Variants in SH3PXD2A observed in about 807,000 individuals in gnomAD.
SH3PXD2A encodes the protein SH3 and PX domains 2A.
In SH3PXD2A, 32 loss-of-function variants were observed where a neutral mutation model predicts 115.2. The observed-to-expected ratio is 0.28, with a 90% CI of 0.21 to 0.37. SH3PXD2A has a LOEUF of 0.37. Among genes scored for constraint, SH3PXD2A ranks in the 10% least tolerant of loss-of-function variants. The pLI is 1.00. For missense variants in SH3PXD2A, 1,328 were observed against 1,498.7 expected (o/e 0.89, Z 1.88); for synonymous variants, 610 against 629.1 (o/e 0.97, Z 0.45).
At chr10:103,842,293 A>T (rs2039609034) in intron 1 of SH3PXD2A, among the ~76,000 whole-genome samples, 1 of 152,092 alleles carries the variant, frequency 6.6e-6, no homozygotes, top group Admixed American at 6.5e-5. Context: ...ATAGTTATAC[A>T]AATTTTGGGG....
chr10:103,696,855 G>A (rs1010354855), intron 5 of SH3PXD2A, among the ~76,000 whole-genome samples: 2 of 152,208 alleles, frequency 1.3e-5, no homozygotes, highest in African/African-American at 2.4e-5. Flanking sequence ...CAGGAAAACA[G>A]GGACATGGGA....
At chr10:103,693,864 T>G (rs1197450302) in intron 5 of SH3PXD2A, among the ~76,000 whole-genome samples, 1 of 152,118 alleles carries the variant, frequency 6.6e-6, no homozygotes, top group East Asian at 1.9e-4. Flanking sequence ...GGAAGTGGGT[T>G]CAAATGCTGT....
chr10:103,801,031 C>T (rs1372743581), intron 2 of SH3PXD2A, among the ~76,000 whole-genome samples: 3 of 152,158 alleles, frequency 2.0e-5, no homozygotes, highest in African/African-American at 7.2e-5. Flanking sequence ...ACCCTGCAGG[C>T]AAGGGAGGGT....
chr10:103,702,596 C>CGTGTGCGTGTGTGTGTGT (rs1554913265), intron 5 of SH3PXD2A, among the ~76,000 whole-genome samples: 5 of 147,448 alleles, frequency 3.4e-5, no homozygotes, highest in African/African-American at 1.0e-4. Flanking sequence ...TGTGTGTGTG[C>CGTGTGCGTGTGTGTGTGT]GTGTGTGTGT....
intron 3 of SH3PXD2A, among the ~76,000 whole-genome samples, chr10:103,766,574 A>G (rs1391622363): frequency 1.3e-5 from 2 of 152,232 alleles, no homozygotes; most frequent in African/African-American, 2.4e-5. Context: ...CATCATCAAA[A>G]TAACAGGTTA....
At chr10:103,821,694 T>C (rs986864360) in intron 1 of SH3PXD2A, among the ~76,000 whole-genome samples, 2 of 151,848 alleles carry the variant, frequency 1.3e-5, no homozygotes, top group South Asian at 4.2e-4. Flanking sequence ...CCACCACCAG[T>C]AGCTGGGACT....
At chr10:103,638,979 G>A (rs756888770) in intron 8 of SH3PXD2A, among the ~76,000 whole-genome samples, 3 of 152,212 alleles carry the variant, frequency 2.0e-5, no homozygotes, top group African/African-American at 4.8e-5. Context: ...TGCCTGGCAC[G>A]GGTGGGGGTC....
Position 103,815,000 on chromosome 10 carries a change from C to T in SH3PXD2A, c.73-13638G>A, listed in dbSNP as rs963010512. 2.4e-4 allele frequency among the ~76,000 whole-genome samples: 36 copies of T among 148,138 alleles called. No homozygotes were observed. The East Asian group carries it at 7.2e-3, about 30-fold the overall frequency. ...GCAGGCCAACTGGGGAGGTGGGGGG[C>T]TCTTCAGTTTGACTCAGTACAAAAT... On this transcript the variant is annotated intron_variant, in intron 1 of 14. Coordinates refer to ENST00000369774, the MANE Select transcript of SH3PXD2A (RefSeq NM_001394015.1).
rs2038647443 is a variant in SH3PXD2A, at chr10:103,756,879, T to G, written c.229+10215A>C. On this transcript the variant is annotated intron_variant, in intron 3 of 14. Transcript: ENST00000369774. This position sits in a 1 kb window ranked among gnomAD's most constrained non-coding sequence, Gnocchi z 4.4. ...CCTGCCTCTCCAGGACCCCAGCTGG[T>G]CTCCTCTGCTCCGTGCAAGCTCCCG... Among the ~76,000 whole-genome samples, 1 of 152,118 alleles carries G rather than the reference T, an allele frequency of 6.6e-6. No individual in the cohort carries two copies. Among genetic ancestry groups the G allele is most frequent in the Admixed American group, 6.5e-5 (1 of 15,280 alleles).
At chr10:103,776,765 T>A (rs1382095417) in intron 2 of SH3PXD2A, among the ~76,000 whole-genome samples, 2 of 152,134 alleles carry the variant, frequency 1.3e-5, no homozygotes, top group Non-Finnish European at 2.9e-5. Context: ...TTTCCCCCTT[T>A]CACAGGGACA....
chr10:103,802,087 C>T (rs2039153323), intron 1 of SH3PXD2A, among the ~76,000 whole-genome samples: 1 of 152,196 alleles, frequency 6.6e-6, no homozygotes, highest in South Asian at 2.1e-4. Context: ...TGCAGGTGGA[C>T]CCCGCTCTCT....
chr10:103,748,381 C>T (rs1036401305), intron 3 of SH3PXD2A, among the ~76,000 whole-genome samples: 12 of 152,156 alleles, frequency 7.9e-5, no homozygotes, highest in African/African-American at 2.2e-4. Flanking sequence ...CCCTGAGCCC[C>T]GGGCTGTGCA....
At chr10:103,761,865 C>T (rs1157162257) in intron 3 of SH3PXD2A, among the ~76,000 whole-genome samples, 5 of 152,084 alleles carry the variant, frequency 3.3e-5, no homozygotes, top group Admixed American at 1.3e-4. Flanking sequence ...GGAAGAATCG[C>T]GGCTCTGCTG....
chr10:103,654,598 G>A (rs895560333), intron 8 of SH3PXD2A, among the ~76,000 whole-genome samples: 7 of 152,038 alleles, frequency 4.6e-5, no homozygotes, highest in Admixed American at 2.0e-4. Flanking sequence ...ACTATTATTT[G>A]TAGAGACAGG....
chr10:103,839,391 C>T (rs753564984), intron 1 of SH3PXD2A, among the ~76,000 whole-genome samples: 6 of 152,238 alleles, frequency 3.9e-5, no homozygotes, highest in South Asian at 2.1e-4. Flanking sequence ...CCTTCTCTGA[C>T]GGAGAGCATA....
At chr10:103,696,496 C>A (rs964729331) in intron 5 of SH3PXD2A, among the ~76,000 whole-genome samples, 6 of 152,118 alleles carry the variant, frequency 3.9e-5, no homozygotes, top group African/African-American at 1.2e-4. Context: ...AAGAACCCCC[C>A]CTCTTCCCAT....
At chr10:103,832,260 T>C (rs2039489183) in intron 1 of SH3PXD2A, among the ~76,000 whole-genome samples, 1 of 151,988 alleles carries the variant, frequency 6.6e-6, no homozygotes, top group Non-Finnish European at 1.5e-5. Flanking sequence ...TTGTCTGTCT[T>C]ACAAATACAT....
At chr10:103,639,798 C>T (rs990427448) in intron 8 of SH3PXD2A, among the ~76,000 whole-genome samples, 1 of 152,012 alleles carries the variant, frequency 6.6e-6, no homozygotes, top group Non-Finnish European at 1.5e-5. Flanking sequence ...TCTAATGTCA[C>T]AACTGTAAAT....
chr10:103,738,529 G>A (rs2038406616), intron 3 of SH3PXD2A, among the ~76,000 whole-genome samples: 1 of 151,960 alleles, frequency 6.6e-6, no homozygotes. Flanking sequence ...CCAGCCGTAT[G>A]AGCAGGACCC....
Sources: gnomAD v4.1 joint callset for allele counts (sites outside exome capture counted in the v4.1 genomes callset) on GRCh38, gnomAD v4.1.1 for gene constraint, Gnocchi (gnomAD v3.1) non-coding constraint, MANE v1.5 for transcripts, NCBI Gene and HGNC (gene_info 2026-07-23, HGNC 2026-07-21) for gene names.